LY6G5B: variants seen among roughly 807,000 people sequenced by gnomAD.
The protein encoded by LY6G5B is lymphocyte antigen 6 family member G5B.
LY6G5B carries 6 observed loss-of-function variants against 6.7 expected under a neutral mutation model. That is an observed-to-expected ratio of 0.89 (90% CI 0.49 to 1.76). The LOEUF is 1.76. Among genes scored for constraint, LY6G5B ranks in the 40% most tolerant of loss-of-function variants. The pLI is 0.01. For synonymous variants in LY6G5B, 98 were observed against 99.4 expected (o/e 0.99, Z 0.09); for missense variants, 240 against 249.5 (o/e 0.96, Z 0.26).
chr6:31,671,072 G>A lies in LY6G5B; in HGVS notation c.58+64G>A, dbSNP rs576736203. On this transcript the variant is annotated intron_variant, in intron 1 of 2. Transcript: ENST00000375864. ...ACTGAGTCCAGGAAGGGGGTGGAGC[G>A]TGGCCATGGATAATCGGGCTTCCTA... 20 of 1,610,082 alleles carry A rather than the reference G, an allele frequency of 1.2e-5. 1 individual carries two copies. Among genetic ancestry groups the A allele is most frequent in the African/African-American group, 8.0e-5 (6 of 74,980 alleles).
At chr6:31,672,470 A>G (rs1802306745) in exon 3 of LY6G5B, 1 of 693,566 alleles carries the variant, frequency 1.4e-6, no homozygotes, top group Non-Finnish European at 2.4e-6. Context: ...TTTGAGACAA[A>G]GTCTCGCTCT....
chr6:31,670,520 C>T (rs1802131533), exon 1 of LY6G5B: 1 of 185,900 alleles, frequency 5.4e-6, no homozygotes. Flanking sequence ...TGCTTGATTT[C>T]CTGGCCAGGT....
At chr6:31,673,044 T>G (rs957820606) in exon 3 of LY6G5B, 1 of 152,106 alleles carries the variant, frequency 6.6e-6, no homozygotes, top group African/African-American at 2.4e-5. Context: ...GGTGGGCGGA[T>G]CACTTGAGAT....
chr6:31,670,819 C>T, exon 1 of LY6G5B: 2 of 907,524 alleles, frequency 2.2e-6, no homozygotes, highest in South Asian at 1.7e-5. Context: ...GAATATAGCT[C>T]TGCATTTACA....
exon 3 of LY6G5B, chr6:31,672,668 A>C (rs2151195387): frequency 5.2e-6 from 1 of 193,802 alleles, no homozygotes; most frequent in Non-Finnish European, 1.1e-5. Context: ...CTGGTCTCGA[A>C]CTCCTGACCT....
rs1452871014 is a variant in LY6G5B at position 31,672,007 on chromosome 6, C to G, written c.331C>G (p.Gln111Glu). The change falls in exon 3 of 3, where the codon CAA becomes GAA. Residue 111 changes from glutamine (Q) to glutamate (E), a missense_variant. Physicochemically the swap from Gln to Glu is conservative, Grantham distance 29 (BLOSUM62 2). Transcript: ENST00000375864. ...TTATTGCAACTCCTGGTCAAGCCCC[C>G]AACTCCAGAGCTCTCTGCCGGAGCC... 1.9e-6 allele frequency: 3 copies of G among 1,613,114 alleles called. No individual in the cohort carries two copies. In the East Asian group the frequency reaches 6.7e-5, roughly 36 times the overall value.
At chr6:31,670,745 A>G in exon 1 of LY6G5B, 1 of 567,596 alleles carries the variant, frequency 1.8e-6, no homozygotes, top group Non-Finnish European at 3.1e-6. Context: ...GTTGTGGGTG[A>G]GGACATGCTG....
exon 3 of LY6G5B, chr6:31,672,293 G>A: frequency 2.5e-6 from 4 of 1,604,324 alleles, no homozygotes; most frequent in Non-Finnish European, 1.7e-6. Flanking sequence ...ATTCCACAGT[G>A]CAAATATCTT....
chr6:31,670,951 A>G (rs144373339), exon 1 of LY6G5B: 58 of 1,603,350 alleles, frequency 3.6e-5, no homozygotes, highest in African/African-American at 9.4e-5. Flanking sequence ...GAATTCCAAA[A>G]TGAAGGTCCA....
At chr6:31,670,709 A>G in exon 1 of LY6G5B, 1 of 530,998 alleles carries the variant, frequency 1.9e-6, no homozygotes, top group Non-Finnish European at 3.3e-6. Context: ...CATCTGGGCC[A>G]TTACTCCCAC....
intron 1 of LY6G5B, 52 bp downstream of exon 1, chr6:31,671,060 A>C: frequency 6.2e-7 from 1 of 1,609,616 alleles, no homozygotes; most frequent in Non-Finnish European, 8.5e-7. Context: ...GAGTCCAGGA[A>C]GGGGGTGGAG....
chr6:31,672,314 C>T (rs1292559476), exon 3 of LY6G5B: 6 of 1,586,676 alleles, frequency 3.8e-6, no homozygotes, highest in African/African-American at 1.3e-5. Context: ...TCTGTAACAC[C>T]CTCAGCATCC....
At chr6:31,672,180 G>A (rs1437663098) in exon 3 of LY6G5B, 6 of 1,613,094 alleles carry the variant, frequency 3.7e-6, no homozygotes, top group Non-Finnish European at 5.1e-6. Flanking sequence ...CCCTGAACCT[G>A]GGCTTGTCTT....
At chr6:31,672,212 A>T (rs759879342) in exon 3 of LY6G5B, 2 of 1,612,952 alleles carry the variant, frequency 1.2e-6, no homozygotes, top group Non-Finnish European at 1.7e-6. Context: ...CGCCGCATGT[A>T]CTTGTTCCTC....
chr6:31,670,279 T>C (rs1802109181), exon 1 of LY6G5B: 1 of 279,218 alleles, frequency 3.6e-6, no homozygotes, highest in African/African-American at 2.2e-5. Context: ...AGACAAAGCA[T>C]ATTTCAAAGA....
intron 1 of LY6G5B, 73 bp downstream of exon 1, chr6:31,671,081 G>A: frequency 6.2e-7 from 1 of 1,611,156 alleles, no homozygotes; most frequent in Non-Finnish European, 8.5e-7. Context: ...CGTGGCCATG[G>A]ATAATCGGGC....
rs1802242594 is a variant in LY6G5B, at chr6:31,671,852, C to T, written c.188-12C>T. 9 of 1,598,404 alleles carry T rather than the reference C, an allele frequency of 5.6e-6. No homozygotes were observed. Among genetic ancestry groups the T allele is most frequent in the Admixed American group, 1.7e-5 (1 of 59,358 alleles). ...TATTGGAAGGGGTTATCAGCTTTCC[C>T]CTCTCCCTCAGATGTCAAGGTTCGC... On this transcript the variant is annotated splice_polypyrimidine_tract_variant and intron_variant, in intron 2 of 2. Transcript: ENST00000375864.
At chr6:31,673,543 A>G (rs1802387636) in exon 3 of LY6G5B, 1 of 152,554 alleles carries the variant, frequency 6.6e-6, no homozygotes, top group Non-Finnish European at 1.5e-5. Flanking sequence ...GGACTGGGCT[A>G]AAACTGTGTC....
chr6:31,672,507 T>C, exon 3 of LY6G5B: 1 of 598,704 alleles, frequency 1.7e-6, no homozygotes, highest in Non-Finnish European at 2.9e-6. Context: ...TGCAGTGGCA[T>C]GATCTCTGCT....
Sources: gnomAD v4.1 joint callset for allele counts on GRCh38, gnomAD v4.1.1 for gene constraint, MANE v1.5 for transcripts, NCBI Gene and HGNC (gene_info 2026-07-23, HGNC 2026-07-21) for gene names.